The following SLC8A1 variants were observed in gnomAD, a reference collection of about 807,000 sequenced individuals.
SLC8A1 encodes the protein sodium/calcium exchanger 1.
In SLC8A1, 18 loss-of-function variants were observed where a neutral mutation model predicts 68.3. The ratio of observed to expected loss-of-function variants is 0.26; its 90% CI spans 0.18 to 0.39. SLC8A1 has a LOEUF of 0.39. Among genes scored for constraint, SLC8A1 ranks in the 10% least tolerant of loss-of-function variants. The pLI is 1.00. For missense variants in SLC8A1, 985 were observed against 1,156.7 expected, an observed-to-expected ratio of 0.85 and a Z score of 2.15; for synonymous variants, 475 against 415.5, an observed-to-expected ratio of 1.14 and a Z score of -1.74.
intron 2 of SLC8A1, among the ~76,000 whole-genome samples, chr2:40,260,414 A>G (rs2064534586): frequency 6.6e-6 from 1 of 152,186 alleles, no homozygotes; most frequent in African/African-American, 2.4e-5. Flanking sequence ...ATCGACTTTT[A>G]ATACCTTTTT....
At chr2:40,240,222 T>A (rs2061030990) in intron 2 of SLC8A1, among the ~76,000 whole-genome samples, 1 of 152,246 alleles carries the variant, frequency 6.6e-6, no homozygotes, top group Non-Finnish European at 1.5e-5. Context: ...GTACTTATTA[T>A]GTAACTGTTG....
At chr2:40,177,259 T>C (rs1396023968) in intron 3 of SLC8A1, among the ~76,000 whole-genome samples, 2 of 152,194 alleles carry the variant, frequency 1.3e-5, no homozygotes, top group Non-Finnish European at 2.9e-5. Flanking sequence ...AACTGTGTTC[T>C]CCAAAGAAGC....
At chr2:40,510,780 GTTATT>G (rs1409928584) in intron 1 of SLC8A1, among the ~76,000 whole-genome samples, 1 of 152,046 alleles carries the variant, frequency 6.6e-6, no homozygotes, top group Non-Finnish European at 1.5e-5. Flanking sequence ...ATAGAAATAT[GTTATT>G]TTAATGTGCT....
intron 2 of SLC8A1, among the ~76,000 whole-genome samples, chr2:40,391,703 C>A (rs549269931): frequency 3.9e-5 from 6 of 152,162 alleles, no homozygotes; most frequent in South Asian, 2.1e-4. Flanking sequence ...TAGTCCCAGA[C>A]CCTCAAATTA....
intron 2 of SLC8A1, among the ~76,000 whole-genome samples, chr2:40,229,508 C>T (rs1003064190): frequency 6.6e-6 from 1 of 152,136 alleles, no homozygotes; most frequent in African/African-American, 2.4e-5. Flanking sequence ...ATCTGTGCAG[C>T]TGCAAAACTT....
chr2:40,407,145 C>A (rs1690625249), intron 2 of SLC8A1, among the ~76,000 whole-genome samples: 1 of 152,160 alleles, frequency 6.6e-6, no homozygotes, highest in Admixed American at 6.5e-5. Context: ...CAGCTCACTG[C>A]AACCTCTGCC....
At chr2:40,353,694 T>A (rs570555239) in intron 2 of SLC8A1, among the ~76,000 whole-genome samples, 154 of 152,328 alleles carry the variant, frequency 1.0e-3, no homozygotes, top group African/African-American at 3.5e-3. Context: ...TTATGCTGCC[T>A]ACCTGCCTTT....
At position 40,243,363 on chromosome 2, in the gene SLC8A1, C is replaced by T. The variant is rs886666404; in HGVS notation, c.1809-65508G>A. 5.9e-5 allele frequency among the ~76,000 whole-genome samples: 9 copies of T among 151,962 alleles called. No homozygotes were observed. In the South Asian group the frequency reaches 6.2e-4, roughly 11 times the overall value. On this transcript the variant is annotated intron_variant, in intron 2 of 7. Coordinates refer to ENST00000406785, the Ensembl canonical transcript of SLC8A1. ...AATAAACTGGGCATGGTAGTGTCTG[C>T]GGTCCCACCTACTTGAGAGCTGAGA...
chr2:40,234,755 T>C (rs1011054800), intron 2 of SLC8A1, among the ~76,000 whole-genome samples: 25 of 152,144 alleles, frequency 1.6e-4, no homozygotes, highest in African/African-American at 6.0e-4. Flanking sequence ...ATAGCTCTTA[T>C]TATTTTGAAA....
intron 7 of SLC8A1, 32 bp from the exon 11 acceptor site, chr2:40,115,661 T>C: frequency 6.3e-7 from 1 of 1,583,338 alleles, no homozygotes; most frequent in Non-Finnish European, 8.5e-7. Context: ...TCAATGACAC[T>C]CAATCTTTTA....
At chr2:40,159,020 T>G (rs1433729012) in intron 6 of SLC8A1, among the ~76,000 whole-genome samples, 1 of 152,188 alleles carries the variant, frequency 6.6e-6, no homozygotes, top group Non-Finnish European at 1.5e-5. Context: ...AAATGTTTCC[T>G]TGTTCTTGAG....
intron 2 of SLC8A1, among the ~76,000 whole-genome samples, chr2:40,282,863 T>C (rs1008929807): frequency 6.6e-6 from 1 of 152,146 alleles, no homozygotes; most frequent in African/African-American, 2.4e-5. Flanking sequence ...TCCCATCCCA[T>C]ACCCCGGACT....
intron 1 of SLC8A1, among the ~76,000 whole-genome samples, chr2:40,439,351 C>G (rs773591981): frequency 1.3e-5 from 2 of 152,084 alleles, no homozygotes; most frequent in Non-Finnish European, 2.9e-5. Flanking sequence ...AGGTAGAAAA[C>G]ATGCAGAAAC....
chr2:40,419,510 C>T lies in SLC8A1; in HGVS notation c.1808+8963G>A, dbSNP rs1031741191. ...CTTCTTTCTCTGCCTACCTCTCCTT[C>T]TTACTCACCCTGCCTCCACCTCCTT... On this transcript the variant is annotated intron_variant, in intron 2 of 7. Transcript: ENST00000406785. 2.6e-5 allele frequency among the ~76,000 whole-genome samples: 4 copies of T among 152,060 alleles called. No homozygotes were observed. In the South Asian group the frequency reaches 6.2e-4, roughly 24 times the overall value.
At chr2:40,278,403 A>C (rs1004350916) in intron 2 of SLC8A1, among the ~76,000 whole-genome samples, 3 of 152,262 alleles carry the variant, frequency 2.0e-5, no homozygotes, top group African/African-American at 7.2e-5. Flanking sequence ...TGGGAAGCGG[A>C]GGTGGCAGTG....
chr2:40,416,148 AT>A (rs913245696), intron 2 of SLC8A1, among the ~76,000 whole-genome samples: 54 of 151,842 alleles, frequency 3.6e-4, no homozygotes, highest in Middle Eastern at 3.4e-3. Context: ...ATACTTCTTA[AT>A]TATGTATCTG....
intron 2 of SLC8A1, among the ~76,000 whole-genome samples, chr2:40,213,885 C>T (rs2057027262): frequency 6.6e-6 from 1 of 152,110 alleles, no homozygotes; most frequent in South Asian, 2.1e-4. Flanking sequence ...TGGCTAATTT[C>T]CAGAGACTTC....
intron 2 of SLC8A1, among the ~76,000 whole-genome samples, chr2:40,398,197 G>A (rs1232624841): frequency 3.3e-5 from 5 of 152,058 alleles, no homozygotes; most frequent in African/African-American, 9.7e-5. Context: ...GAAGTACAAC[G>A]TGCCTTGGTC....
At chr2:40,429,243 T>C (rs760339904) in exon 2 of SLC8A1, 4 of 1,613,946 alleles carry the variant, frequency 2.5e-6, no homozygotes, top group Non-Finnish European at 3.4e-6. Context: ...TAGCTAATTC[T>C]ATTAATTGCT....
Sources: gnomAD v4.1 joint callset for allele counts (sites outside exome capture counted in the v4.1 genomes callset) on GRCh38, gnomAD v4.1.1 for gene constraint, MANE v1.5 for transcripts, NCBI Gene and HGNC (gene_info 2026-07-23, HGNC 2026-07-21) for gene names.